The following SNED1 variants were observed in gnomAD, a reference collection of about 807,000 sequenced individuals.
SNED1 encodes the protein sushi, nidogen and EGF-like domain-containing protein 1.
A neutral mutation model predicts 166.7 loss-of-function variants in SNED1; 81 were observed. The ratio of observed to expected loss-of-function variants is 0.49; its 90% CI spans 0.41 to 0.58. The LOEUF (loss-of-function observed/expected upper bound fraction) is 0.58, where lower values mean the gene tolerates loss of function less well. Ranked by LOEUF, SNED1 falls within the 20% of genes least tolerant of loss-of-function variation. The pLI is 0.00. For missense variants in SNED1, 1,604 were observed against 2,000.2 expected (o/e 0.80, Z 3.78); for synonymous variants, 762 against 822.0 (o/e 0.93, Z 1.25).
At position 241,071,546 on chromosome 2, in the gene SNED1, A is replaced by AC. The variant is rs1336982016; in HGVS notation, c.3590-28dup. ...GGACAGGAGCAGAGGGCAGCCCCAG[A>AC]CCAGCCCCTTCCTCCTGCCTGCTCT... On this transcript the variant is annotated intron_variant, in intron 24 of 31. Transcript: ENST00000310397. 1.9e-6 allele frequency: 3 copies of AC among 1,566,176 alleles called. No individual in the cohort carries two copies. The African/African-American group carries it at 4.0e-5, about 21-fold the overall frequency.
intron 29 of SNED1, among the ~76,000 whole-genome samples, chr2:241,084,134 ATTT>A (rs368364855): frequency 8.1e-6 from 1 of 123,306 alleles, no homozygotes; most frequent in Non-Finnish European, 1.7e-5. Context: ...AGCGTCTAGG[ATTT>A]TTTTTTTTTT....
In SNED1 at chr2:240,999,230, AGGCGCGCGGGCGGGGCGGGGGC is replaced by A. The variant is rs2060002599; in HGVS notation, c.213+184_213+205del. Among the ~76,000 whole-genome samples, 4 of 147,560 alleles carry A rather than the reference AGGCGCGCGGGCGGGGCGGGGGC, an allele frequency of 2.7e-5. No homozygotes were observed. In the South Asian group the frequency reaches 8.5e-4, roughly 31 times the overall value. ...AAGGCCGGACAGCGGCCCGCGGGAG[AGGCGCGCGGGCGGGGCGGGGGC>A]GGCAGCCGCCGGGCACCGAGGCGGG... On this transcript the variant is annotated intron_variant, in intron 1 of 31. Coordinates refer to ENST00000310397, the MANE Select transcript of SNED1 (RefSeq NM_001080437.3). The surrounding 1 kb of genome is among the most constrained non-coding windows in gnomAD (Gnocchi z 5.8).
Position 241,093,805 on chromosome 2 carries a change from AAAAAC to A in SNED1, c.*2170_*2174del, listed in dbSNP as rs2064204633. The A allele has an allele frequency of 6.6e-6, 1 of 152,446 alleles. No homozygotes were observed. The highest frequency in any genetic ancestry group is 1.5e-5 in the Non-Finnish European group (1 of 68,202). 9.4% of individuals were successfully genotyped at this position (152,446 alleles called of 1,614,324 possible). A position where few individuals can be genotyped will look rare whatever the true frequency, so the allele number is the denominator to read the frequency against. On this transcript the variant is annotated 3_prime_UTR_variant, in exon 32 of 32. Coordinates refer to ENST00000310397, the MANE Select transcript of SNED1 (RefSeq NM_001080437.3). ...CAGCTTTTCCCATGTGGCTTCTTTT[AAAAAC>A]TCAAATGGCTTCCTTGAAAATACTC...
At chr2:241,039,032 G>A (rs1017168649) in intron 6 of SNED1, among the ~76,000 whole-genome samples, 1 of 152,214 alleles carries the variant, frequency 6.6e-6, no homozygotes, top group African/African-American at 2.4e-5. Context: ...AGTTGTACGT[G>A]TGGCCTCGGA....
At chr2:241,085,560 C>A (rs909378831) in intron 29 of SNED1, among the ~76,000 whole-genome samples, 18 of 152,144 alleles carry the variant, frequency 1.2e-4, no homozygotes, top group African/African-American at 4.3e-4. Flanking sequence ...TCATCACTCT[C>A]ATGTCTGGGT....
intron 1 of SNED1, among the ~76,000 whole-genome samples, chr2:241,011,487 G>A (rs1283368787): frequency 6.6e-6 from 1 of 152,230 alleles, no homozygotes; most frequent in African/African-American, 2.4e-5. Context: ...GTCAGGACGA[G>A]GGACTAAACC....
At chr2:241,000,137 C>G (rs1192596864) in intron 1 of SNED1, among the ~76,000 whole-genome samples, 1 of 152,164 alleles carries the variant, frequency 6.6e-6, no homozygotes, top group East Asian at 1.9e-4. Flanking sequence ...ACCACCTTCC[C>G]CATGGTCCCC....
chr2:241,042,013 A>G (rs1028256978), intron 8 of SNED1, among the ~76,000 whole-genome samples: 1 of 152,108 alleles, frequency 6.6e-6, no homozygotes, highest in South Asian at 2.1e-4. Flanking sequence ...GAGCCCTACA[A>G]TTGCCCCAGA....
intron 4 of SNED1, among the ~76,000 whole-genome samples, chr2:241,034,993 C>T (rs1322377744): frequency 6.7e-6 from 1 of 150,142 alleles, no homozygotes. Flanking sequence ...GAGAAGATCC[C>T]GCACACACAC....
In SNED1 at chr2:241,065,343, A is replaced by G; in HGVS notation, c.2758A>G (p.Ser920Gly). 1.2e-6 allele frequency: 2 copies of G among 1,612,628 alleles called. No individual in the cohort carries two copies. Among genetic ancestry groups the G allele is most frequent in the South Asian group, 2.2e-5 (2 of 91,046 alleles). Residue 920 changes from serine (S) to glycine (G), a missense_variant, in exon 21 of 32, where the codon AGT becomes GGT. Physicochemically the swap from Ser to Gly is moderately conservative, Grantham distance 56. Coordinates refer to ENST00000310397, the MANE Select transcript of SNED1 (RefSeq NM_001080437.3). ...TALKMERVEE[S>G]GVSISWNPPN... is the part of the protein sequence containing the mutation. ...CCTCAAGATGGAGAGAGTGGAGGAG[A>G]GTGGGGTCTCTATCTCCTGGAACCC...
intron 1 of SNED1, among the ~76,000 whole-genome samples, chr2:241,024,293 T>G (rs1359499216): frequency 7.8e-6 from 1 of 128,774 alleles, no homozygotes; most frequent in Middle Eastern, 4.9e-3. Context: ...TCACCCAGGC[T>G]GGAGTGCAGT....
Position 241,075,873 on chromosome 2 carries a change from T to C in SNED1, c.3916+2509T>C, listed in dbSNP as rs1427033398. ...TGTTAGACTGTGTGTGTGTGAGAAG[T>C]TGGGCTACAATTTCATTTTTTATGC... is the stretch of plus-strand genomic sequence containing the variant. On this transcript the variant is annotated intron_variant, in intron 27 of 31. Coordinates refer to ENST00000310397, the MANE Select transcript of SNED1 (RefSeq NM_001080437.3). The surrounding 1 kb of genome is among the most constrained non-coding windows in gnomAD (Gnocchi z 4.8). 1.3e-5 allele frequency among the ~76,000 whole-genome samples: 2 copies of C among 152,174 alleles called. No individual in the cohort carries two copies. Among genetic ancestry groups the C allele is most frequent in the Non-Finnish European group, 2.9e-5 (2 of 68,030 alleles).
rs1575124572 is a variant in SNED1 at position 241,083,942 on chromosome 2, T to C, written c.4121+1578T>C. ...TTTTTCCCACCTGCTTTTTGTTCCT[T>C]TTTTCTTTTTTCCTGCCTAATTTTG... is the stretch of plus-strand genomic sequence containing the variant. On this transcript the variant is annotated intron_variant, in intron 29 of 31. Coordinates refer to ENST00000310397, the MANE Select transcript of SNED1 (RefSeq NM_001080437.3). 2.0e-5 allele frequency among the ~76,000 whole-genome samples: 3 copies of C among 152,076 alleles called. No homozygotes were observed. In the East Asian group the frequency reaches 5.8e-4, roughly 29 times the overall value.
chr2:241,028,291 C>T (rs1290257418), intron 1 of SNED1, among the ~76,000 whole-genome samples: 2 of 152,124 alleles, frequency 1.3e-5, no homozygotes, highest in African/African-American at 4.8e-5. Flanking sequence ...TTTTAATTTT[C>T]ATGAAGTCCG....
intron 21 of SNED1, among the ~76,000 whole-genome samples, chr2:241,066,740 G>A (rs924395395): frequency 1.3e-5 from 2 of 152,212 alleles, no homozygotes; most frequent in Non-Finnish European, 2.9e-5. Context: ...TGGCGGGTAG[G>A]TGGGGAGGAG....
In SNED1 at chr2:241,038,069, A is replaced by ACCCC. The variant is rs763567238; in HGVS notation, c.1045+722_1045+725dup. Among the ~76,000 whole-genome samples the ACCCC allele has an allele frequency of 1.4e-4, 21 of 145,708 alleles. 1 individual carries two copies. Among genetic ancestry groups the ACCCC allele is most frequent in the African/African-American group, 5.1e-4 (20 of 38,974 alleles). On this transcript the variant is annotated intron_variant, in intron 6 of 31. Coordinates refer to ENST00000310397, the MANE Select transcript of SNED1 (RefSeq NM_001080437.3). ...TCACCCACCTGGTAAAGAAAGGTGG[A>ACCCC]CCCCCCCCCAATTCCTGCTCTCCAT...
chr2:241,003,929 A>G (rs949525745), intron 1 of SNED1, among the ~76,000 whole-genome samples: 1 of 152,232 alleles, frequency 6.6e-6, no homozygotes, highest in Non-Finnish European at 1.5e-5. Flanking sequence ...GCCTTCTAAC[A>G]TCTCTGGTTT....
At chr2:241,038,661 C>T (rs1260531367) in intron 6 of SNED1, among the ~76,000 whole-genome samples, 1 of 152,258 alleles carries the variant, frequency 6.6e-6, no homozygotes, top group Non-Finnish European at 1.5e-5. Context: ...CCCTGCTTGC[C>T]CACGTGCTCT....
chr2:241,089,079 C>T, intron 31 of SNED1: 4 of 451,328 alleles, frequency 8.9e-6, no homozygotes, highest in Non-Finnish European at 1.6e-5. Flanking sequence ...CACCTCCCCA[C>T]ACAAACTGCC....
Sources: gnomAD v4.1 joint callset for allele counts (sites outside exome capture counted in the v4.1 genomes callset) on GRCh38, gnomAD v4.1.1 for gene constraint, Gnocchi (gnomAD v3.1) non-coding constraint, MANE v1.5 for transcripts, NCBI Gene and HGNC (gene_info 2026-07-23, HGNC 2026-07-21) for gene names.